The following TGFA variants were observed in gnomAD, a reference collection of about 807,000 sequenced individuals.
The protein encoded by TGFA is transforming growth factor alpha.
Under a neutral mutation model 21.7 loss-of-function variants are expected in TGFA, and 12 were observed. That is an observed-to-expected ratio of 0.55 (90% CI 0.35 to 0.90). TGFA has a LOEUF of 0.90. Among genes scored for constraint, TGFA ranks in the 40% least tolerant of loss-of-function variants. TGFA has a pLI of 0.01. For synonymous variants in TGFA, 79 were observed against 88.1 expected (o/e 0.90, Z 0.58); for missense variants, 178 against 210.8 (o/e 0.84, Z 0.96).
At chr2:70,451,809 T>C (rs992661341) in intron 5 of TGFA, 5 of 693,052 alleles carry the variant, frequency 7.2e-6, no homozygotes, top group Non-Finnish European at 1.3e-5. Context: ...GTTCTCATCC[T>C]CACTCCCCCA....
intron 2 of TGFA, among the ~76,000 whole-genome samples, chr2:70,490,007 T>C (rs553270725): frequency 6.6e-6 from 1 of 152,208 alleles, no homozygotes; most frequent in South Asian, 2.1e-4. Flanking sequence ...CCAGAGATAA[T>C]GATTTAATTG....
In TGFA at chr2:70,465,705, G is replaced by A. The variant is rs1553492099; in HGVS notation, c.126C>T (p.Ser42=). The A allele has an allele frequency of 3.1e-6, 5 of 1,614,100 alleles. No homozygotes were observed. The highest frequency in any genetic ancestry group is 4.2e-6 in the Non-Finnish European group (5 of 1,180,022). The change falls in exon 3 of 6, where the codon TCC becomes TCT. Residue 42 remains serine, a synonymous_variant. Coordinates refer to ENST00000295400, the MANE Select transcript of TGFA (RefSeq NM_003236.4). The part of the protein sequence containing the change: ...ADPPVAAAVV[S]HFNDCPDSHT... ...GGGAATCTGGGCAGTCATTAAAATGGGACACCACTGCTGCAGCCACGGGCG... is the reference window on the plus strand; with the variant it reads ...GGGAATCTGGGCAGTCATTAAAATGAGACACCACTGCTGCAGCCACGGGCG...
intron 3 of TGFA, among the ~76,000 whole-genome samples, chr2:70,463,475 G>C (rs1553491739): frequency 6.6e-6 from 1 of 152,154 alleles, no homozygotes; most frequent in Non-Finnish European, 1.5e-5. Flanking sequence ...TCTAACAGCT[G>C]AAGAGGGGGC....
chr2:70,530,251 A>G (rs1672776158), intron 1 of TGFA, among the ~76,000 whole-genome samples: 1 of 152,220 alleles, frequency 6.6e-6, no homozygotes, highest in African/African-American at 2.4e-5. Context: ...CTTGGTCTGG[A>G]TAGTTTAAAA....
At chr2:70,539,321 C>T (rs1230818470) in intron 1 of TGFA, among the ~76,000 whole-genome samples, 1 of 151,954 alleles carries the variant, frequency 6.6e-6, no homozygotes, top group African/African-American at 2.4e-5. Context: ...TCAAAACCCC[C>T]GTAAAATGGC....
chr2:70,546,256 C>G (rs1436572913), intron 1 of TGFA, among the ~76,000 whole-genome samples: 1 of 64,620 alleles, frequency 1.5e-5, no homozygotes, highest in Admixed American at 1.6e-4. Context: ...GACACTGGAA[C>G]CTGCCCTTTT....
rs1464520681 is a variant in TGFA at position 70,521,606 on chromosome 2, GTTGT to G, written c.41-6698_41-6695del. ...GCTACTATTGATAGTTTTTTTTGTTGTTGTTTGTTTGTTTTTTTTTTTTTTTTTT... is the reference window on the plus strand; with the variant it reads ...GCTACTATTGATAGTTTTTTTTGTTGTTGTTTGTTTTTTTTTTTTTTTTTT... On this transcript the variant is annotated intron_variant, in intron 1 of 5. Transcript: ENST00000295400. Among the ~76,000 whole-genome samples, 311 of 97,962 alleles carry G rather than the reference GTTGT, an allele frequency of 3.2e-3. 10 individuals are homozygous for G. Among genetic ancestry groups the G allele is most frequent in the African/African-American group, 8.8e-3 (209 of 23,738 alleles). 64.3% of individuals were successfully genotyped at this position (97,962 alleles called of 152,430 possible).
Position 70,465,656 on chromosome 2 carries a change from T to A in TGFA, c.175A>T (p.Thr59Ser), listed in dbSNP as rs781919023. The change falls in exon 3 of 6, where the codon ACC becomes TCC. Residue 59 changes from threonine (T) to serine (S), a missense_variant. Transcript: ENST00000295400. The part of the protein sequence containing the change: ...DSHTQFCFHG[T>S]CRFLVQEDKP... ...TCCTCCTGCACCAAAAACCTGCAGGTTCCATGGAAGCAGAACTGAGTGTGG... is the reference window on the plus strand; with the variant it reads ...TCCTCCTGCACCAAAAACCTGCAGGATCCATGGAAGCAGAACTGAGTGTGG... 6.2e-7 allele frequency: 1 copy of A among 1,614,004 alleles called. No individual in the cohort carries two copies. The highest frequency in any genetic ancestry group is 1.1e-5 in the South Asian group (1 of 91,070).
chr2:70,476,403 G>C (rs764821163), intron 2 of TGFA, among the ~76,000 whole-genome samples: 1 of 152,216 alleles, frequency 6.6e-6, no homozygotes, highest in Admixed American at 6.5e-5. Context: ...AGTCCTGCTG[G>C]ATGGGGAATT....
At chr2:70,501,202 T>A (rs1476345068) in intron 2 of TGFA, among the ~76,000 whole-genome samples, 2 of 152,082 alleles carry the variant, frequency 1.3e-5, no homozygotes, top group African/African-American at 2.4e-5. Flanking sequence ...CCACATATAT[T>A]TTTTGGTCAA....
In TGFA at chr2:70,453,212, C is replaced by T. The variant is rs368643430; in HGVS notation, c.475+6G>A. On this transcript the variant is annotated splice_donor_region_variant and intron_variant, in intron 5 of 5. Transcript: ENST00000295400. ...AGTGTCTCCCACCAGAGAAGAGTCT[C>T]CTTACCTGTTTCTGAGTGGCAGCAA... 1.2e-4 allele frequency: 196 copies of T among 1,613,316 alleles called. No homozygotes were observed. The highest frequency in any genetic ancestry group is 2.5e-4 in the Admixed American group (15 of 60,020).
At chr2:70,466,351 C>CA (rs1324650040) in intron 2 of TGFA, among the ~76,000 whole-genome samples, 61 of 152,052 alleles carry the variant, frequency 4.0e-4, no homozygotes, top group Admixed American at 2.6e-3. Context: ...ACTAAAAATA[C>CA]AAAAAATTAG....
chr2:70,525,893 G>A (rs1404821017), intron 1 of TGFA, among the ~76,000 whole-genome samples: 1 of 152,150 alleles, frequency 6.6e-6, no homozygotes, highest in Non-Finnish European at 1.5e-5. Context: ...CGGATGCTAA[G>A]TTTCTGATTT....
intron 2 of TGFA, among the ~76,000 whole-genome samples, chr2:70,466,140 T>C (rs1380237870): frequency 6.6e-6 from 1 of 152,142 alleles, no homozygotes; most frequent in African/African-American, 2.4e-5. Context: ...TCTGTAACCA[T>C]TAAATTGATG....
chr2:70,450,864 C>T lies in TGFA; in HGVS notation c.478G>A (p.Val160Ile), dbSNP rs377029144. 7 of 1,609,186 alleles carry T rather than the reference C, an allele frequency of 4.4e-6. No individual in the cohort carries two copies. The highest frequency in any genetic ancestry group is 5.9e-6 in the Non-Finnish European group (7 of 1,177,538). Residue 160 changes from valine to isoleucine, a missense_variant and splice_region_variant, in exon 6 of 6, where the codon GTC becomes ATC. Val to Ile is a conservative substitution (Grantham distance 29). Coordinates refer to ENST00000295400, the MANE Select transcript of TGFA (RefSeq NM_003236.4). ...AAACTCCTCCTCTGGGCTCTTCAGA[C>T]CACTGGCAGGAAGGAAAAACAGGTT... ...RTACCHSETVV is the reference protein window; with the variant it reads ...RTACCHSETVI
intron 2 of TGFA, among the ~76,000 whole-genome samples, chr2:70,491,884 C>A (rs1325918394): frequency 6.6e-6 from 1 of 152,188 alleles, no homozygotes; most frequent in African/African-American, 2.4e-5. Flanking sequence ...GTGCATAAAA[C>A]CCACCAAATG....
At chr2:70,472,325 C>T (rs1239752306) in intron 2 of TGFA, among the ~76,000 whole-genome samples, 2 of 152,166 alleles carry the variant, frequency 1.3e-5, no homozygotes, top group African/African-American at 2.4e-5. Flanking sequence ...TTGGAACAGA[C>T]CTCATATCGA....
intron 1 of TGFA, among the ~76,000 whole-genome samples, chr2:70,549,599 C>T (rs1238472898): frequency 6.6e-6 from 1 of 152,214 alleles, no homozygotes; most frequent in Admixed American, 6.5e-5. Context: ...GCACAAGATG[C>T]CTAATTCAGT....
chr2:70,495,208 G>A (rs1671542790), intron 2 of TGFA, among the ~76,000 whole-genome samples: 1 of 152,228 alleles, frequency 6.6e-6, no homozygotes, highest in Non-Finnish European at 1.5e-5. Context: ...GATGTGAAAT[G>A]CCACTACTAT....
Sources: gnomAD v4.1 joint callset for allele counts (sites outside exome capture counted in the v4.1 genomes callset) on GRCh38, gnomAD v4.1.1 for gene constraint, MANE v1.5 for transcripts, NCBI Gene and HGNC (gene_info 2026-07-23, HGNC 2026-07-21) for gene names.